The following ERC2 variants were observed in gnomAD, a reference collection of about 807,000 sequenced individuals.
ERC2 encodes the protein ERC protein 2.
ERC2 carries 42 observed loss-of-function variants against 114.8 expected under a neutral mutation model. That is an observed-to-expected ratio of 0.37 (90% confidence interval 0.29 to 0.47). The LOEUF (loss-of-function observed/expected upper bound fraction) is 0.47. Ranked by LOEUF, ERC2 falls within the 20% of genes least tolerant of loss-of-function variation. The pLI, the probability that ERC2 is intolerant of heterozygous loss-of-function variation, is 0.99. For missense variants in ERC2, 939 were observed against 1,150.7 expected (o/e 0.82, Z 2.66); for synonymous variants, 454 against 425.5 (o/e 1.07, Z -0.82).
chr3:56,128,560 A>G (rs2080023520), intron 6 of ERC2, among the ~76,000 whole-genome samples: 1 of 152,200 alleles, frequency 6.6e-6, no homozygotes, highest in African/African-American at 2.4e-5. Context: ...AATGTTTAAA[A>G]TTGATATGTG....
intron 16 of ERC2, among the ~76,000 whole-genome samples, chr3:55,697,995 G>T (rs2063025128): frequency 2.0e-5 from 3 of 151,980 alleles, no homozygotes. Context: ...GGTGGTGGTG[G>T]TGATGGTGAA....
chr3:56,177,782 T>C (rs1360067097), intron 3 of ERC2, among the ~76,000 whole-genome samples: 1 of 152,202 alleles, frequency 6.6e-6, no homozygotes, highest in Non-Finnish European at 1.5e-5. Flanking sequence ...AATCAGGAGC[T>C]TTATGAATTG....
intron 1 of ERC2, among the ~76,000 whole-genome samples, chr3:56,459,315 C>T (rs1051514851): frequency 6.6e-6 from 1 of 152,206 alleles, no homozygotes; most frequent in Non-Finnish European, 1.5e-5. Context: ...TGAGCATATT[C>T]TTAAAGAACA....
chr3:56,428,258 C>T (rs185842241), intron 2 of ERC2, among the ~76,000 whole-genome samples: 56 of 152,214 alleles, frequency 3.7e-4, no homozygotes, highest in Non-Finnish European at 7.5e-4. Flanking sequence ...CGGTGGCTCA[C>T]GCCTGTAATC....
At position 56,411,967 on chromosome 3, in the gene ERC2, C is replaced by T. The variant is rs147616864; in HGVS notation, c.657+22384G>A. Among the ~76,000 whole-genome samples the T allele has an allele frequency of 1.6e-3, 239 of 152,284 alleles. 1 individual carries two copies. Among genetic ancestry groups the T allele is most frequent in the African/African-American group, 5.4e-3 (223 of 41,552 alleles). ...GGCCCCAAAAAGCATATGTCCAAGG[C>T]CTAACTCCCTGAACCTTTGAATGTG... On this transcript the variant is annotated intron_variant, in intron 2 of 17. Transcript: ENST00000288221.
intron 7 of ERC2, among the ~76,000 whole-genome samples, chr3:56,042,844 A>G (rs1472079217): frequency 6.6e-6 from 1 of 152,240 alleles, no homozygotes; most frequent in Non-Finnish European, 1.5e-5. Context: ...TCCAAATGGT[A>G]AGGAATTTTG....
chr3:56,042,003 T>A (rs1042894659), intron 7 of ERC2, among the ~76,000 whole-genome samples: 6 of 152,142 alleles, frequency 3.9e-5, no homozygotes. Context: ...AGTAACTTGA[T>A]TAAGGTGACC....
In ERC2 at chr3:56,267,579, G is replaced by C. The variant is rs1015856628; in HGVS notation, c.1074+28440C>G. 2.0e-5 allele frequency among the ~76,000 whole-genome samples: 3 copies of C among 151,344 alleles called. No individual in the cohort carries two copies. In the Admixed American group the frequency reaches 2.0e-4, roughly 10 times the overall value. Reference sequence around the variant, plus strand: ...GAGGTTAGGAGTTTGAGACCAGGCTGGCCAACATGGTGAAACCCCGTCTGT... The same window carrying C: ...GAGGTTAGGAGTTTGAGACCAGGCTCGCCAACATGGTGAAACCCCGTCTGT... On this transcript the variant is annotated intron_variant, in intron 3 of 17. Coordinates refer to ENST00000288221, the MANE Select transcript of ERC2 (RefSeq NM_015576.3).
chr3:55,940,148 T>C (rs2066693019), intron 13 of ERC2, among the ~76,000 whole-genome samples: 1 of 152,052 alleles, frequency 6.6e-6, no homozygotes, highest in Non-Finnish European at 1.5e-5. Context: ...GGCAGCAGCC[T>C]CACTAGTTGG....
intron 5 of ERC2, among the ~76,000 whole-genome samples, chr3:56,147,337 C>T (rs1051039783): frequency 2.0e-5 from 3 of 152,196 alleles, no homozygotes; most frequent in African/African-American, 7.2e-5. Flanking sequence ...ACATTCAAAT[C>T]CACTGGACAG....
At chr3:55,880,984 C>CA (rs2063090330) in intron 14 of ERC2, among the ~76,000 whole-genome samples, 2 of 152,192 alleles carry the variant, frequency 1.3e-5, no homozygotes, top group Admixed American at 1.3e-4. Context: ...TGTGGGCTAG[C>CA]ACAACCCTCT....
chr3:55,539,562 A>C (rs923565218), intron 17 of ERC2, among the ~76,000 whole-genome samples: 1 of 151,034 alleles, frequency 6.6e-6, no homozygotes. Flanking sequence ...AGTTGGGACT[A>C]CAGACGCCTG....
chr3:55,823,316 A>G (rs1485494201), intron 14 of ERC2, among the ~76,000 whole-genome samples: 1 of 152,146 alleles, frequency 6.6e-6, no homozygotes, highest in Non-Finnish European at 1.5e-5. Context: ...TAAAATCCCA[A>G]TATCCTCCCA....
At chr3:56,383,693 T>C (rs138996863) in intron 2 of ERC2, among the ~76,000 whole-genome samples, 1 of 152,156 alleles carries the variant, frequency 6.6e-6, no homozygotes, top group African/African-American at 2.4e-5. Context: ...AAGATACACA[T>C]AACCTGAAAT....
At chr3:56,139,737 G>A in intron 5 of ERC2, 61 bp from the exon 6 acceptor site, 1 of 1,485,888 alleles carries the variant, frequency 6.7e-7, no homozygotes, top group East Asian at 2.5e-5. Flanking sequence ...CTTTACATTG[G>A]ACAACTACTG....
chr3:56,266,030 A>AAAAATAAAAT (rs200509039), intron 3 of ERC2, among the ~76,000 whole-genome samples: 1,345 of 122,788 alleles, frequency 0.011, 22 homozygotes, highest in African/African-American at 0.03. Flanking sequence ...ATCCGACCAA[A>AAAAATAAAAT]AAAATAAAAT....
At chr3:56,070,814 G>T (rs2076701871) in intron 7 of ERC2, among the ~76,000 whole-genome samples, 1 of 152,158 alleles carries the variant, frequency 6.6e-6, no homozygotes, top group Non-Finnish European at 1.5e-5. Flanking sequence ...AGAAAGTGTG[G>T]TCCAGCTATA....
intron 17 of ERC2, among the ~76,000 whole-genome samples, chr3:55,513,622 G>GTA (rs144573257): frequency 0.17 from 25,872 of 150,446 alleles, 2,481 homozygotes; most frequent in Non-Finnish European, 0.23. Flanking sequence ...GTGCATGTAT[G>GTA]TATATATATA....
intron 14 of ERC2, among the ~76,000 whole-genome samples, chr3:55,870,232 G>A (rs984660739): frequency 2.0e-5 from 3 of 151,994 alleles, no homozygotes; most frequent in Admixed American, 6.6e-5. Flanking sequence ...CCGTCACCAC[G>A]CCTGGCTAAT....
Sources: gnomAD v4.1 joint callset for allele counts (sites outside exome capture counted in the v4.1 genomes callset) on GRCh38, gnomAD v4.1.1 for gene constraint, MANE v1.5 for transcripts, NCBI Gene and HGNC (gene_info 2026-07-23, HGNC 2026-07-21) for gene names.